FLT1: variants seen among roughly 807,000 people sequenced by gnomAD.
The protein encoded by FLT1 is vascular endothelial growth factor receptor 1.
A neutral mutation model predicts 156.3 loss-of-function variants in FLT1; 49 were observed. That is an observed-to-expected ratio of 0.31 (90% CI 0.25 to 0.40). The LOEUF (loss-of-function observed/expected upper bound fraction) is 0.40, where lower values mean the gene tolerates loss of function less well. FLT1 is among the 10% of genes least tolerant of loss of function. The probability of loss-of-function intolerance (pLI) is 1.00; values close to 1 mark genes in which losing one functional copy is unlikely to be tolerated. For synonymous variants in FLT1, 594 were observed against 583.8 expected (o/e 1.02, Z -0.25); for missense variants, 1,322 against 1,637.2 (o/e 0.81, Z 3.32).
At position 28,300,524 on chromosome 13, in the gene FLT1, CACACA is replaced by C. The variant is rs1566273840; in HGVS notation, c.*2638_*2642del. On this transcript the variant is annotated 3_prime_UTR_variant, in exon 30 of 30. Coordinates refer to ENST00000282397, the MANE Select transcript of FLT1 (RefSeq NM_002019.4). The stretch of plus-strand genomic sequence containing the variant: ...TATGCACAAAACACACATACACCCA[CACACA>C]CACACACACACACACACACACACAC... The C allele has an allele frequency of 1.8e-3, 25 of 13,818 alleles. No individual in the cohort carries two copies. The highest frequency in any genetic ancestry group is 0.014 in the South Asian group (1 of 70). 0.9% of individuals were successfully genotyped at this position (13,818 alleles called of 1,614,324 possible). A position where few individuals can be genotyped will look rare whatever the true frequency, so the allele number is the denominator to read the frequency against.
At chr13:28,360,200 G>A (rs897830955) in intron 14 of FLT1, among the ~76,000 whole-genome samples, 1 of 152,210 alleles carries the variant, frequency 6.6e-6, no homozygotes, top group Non-Finnish European at 1.5e-5. Flanking sequence ...GTGTTGATGA[G>A]GATGTGGAAA....
At chr13:28,308,987 AG>A in intron 27 of FLT1, 60 bp from the exon 28 acceptor site, 2 of 919,800 alleles carry the variant, frequency 2.2e-6, no homozygotes, top group Non-Finnish European at 1.8e-6. Flanking sequence ...CTAATGAGTC[AG>A]GAGACCACAG....
chr13:28,419,199 T>A (rs1366956854), intron 10 of FLT1, among the ~76,000 whole-genome samples: 1 of 152,224 alleles, frequency 6.6e-6, no homozygotes, highest in Non-Finnish European at 1.5e-5. Flanking sequence ...AAATCCATCA[T>A]GCCCTTTCCA....
rs115481202 is a variant in FLT1, at chr13:28,392,700, C to T, written c.1661-2596G>A. Reference sequence around the variant, plus strand: ...AAATGCATTTAGTGACATTGGGAAACCAGGGAGATAAGGCAGTGCTGTTCC... The same window carrying T: ...AAATGCATTTAGTGACATTGGGAAATCAGGGAGATAAGGCAGTGCTGTTCC... On this transcript the variant is annotated intron_variant, in intron 12 of 29. Coordinates refer to ENST00000282397, the MANE Select transcript of FLT1 (RefSeq NM_002019.4). 6.2e-3 allele frequency among the ~76,000 whole-genome samples: 937 copies of T among 152,274 alleles called. 11 individuals are homozygous for T. The highest frequency in any genetic ancestry group is 0.022 in the African/African-American group (899 of 41,556).
intron 1 of FLT1, among the ~76,000 whole-genome samples, chr13:28,470,987 C>T (rs1028887026): frequency 1.3e-5 from 2 of 151,956 alleles, no homozygotes; most frequent in African/African-American, 4.8e-5. Flanking sequence ...CACCGCGCCG[C>T]GCAAGAAGTG....
intron 10 of FLT1, among the ~76,000 whole-genome samples, chr13:28,411,557 A>C (rs1401593608): frequency 1.3e-5 from 2 of 151,830 alleles, no homozygotes; most frequent in Non-Finnish European, 2.9e-5. Flanking sequence ...AAAAAAAAAA[A>C]AAAAAAAAAA....
intron 7 of FLT1, among the ~76,000 whole-genome samples, chr13:28,430,387 C>T (rs956117372): frequency 1.3e-5 from 2 of 152,156 alleles, no homozygotes; most frequent in African/African-American, 2.4e-5. Context: ...GTCCTAGCCA[C>T]ATAAAACAGT....
At chr13:28,413,792 C>T (rs1377718909) in intron 10 of FLT1, among the ~76,000 whole-genome samples, 1 of 152,140 alleles carries the variant, frequency 6.6e-6, no homozygotes, top group African/African-American at 2.4e-5. Flanking sequence ...ATCCAGAAAG[C>T]TTTTGGGAGT....
chr13:28,328,061 T>C, intron 19 of FLT1, among the ~76,000 whole-genome samples: 1 of 152,194 alleles, frequency 6.6e-6, no homozygotes, highest in East Asian at 1.9e-4. Flanking sequence ...CAAACTCTTC[T>C]TGTAAAGGTC....
chr13:28,396,445 T>G lies in FLT1; in HGVS notation c.1660+515A>C, dbSNP rs1385694118. Reference sequence around the variant, plus strand: ...AGACCATCATATTTAAGGCTAAAAATTCTTAAATGCTATCAAAAAATAGCA... The same window carrying G: ...AGACCATCATATTTAAGGCTAAAAAGTCTTAAATGCTATCAAAAAATAGCA... On this transcript the variant is annotated intron_variant, in intron 12 of 29. Coordinates refer to ENST00000282397, the MANE Select transcript of FLT1 (RefSeq NM_002019.4). Among the ~76,000 whole-genome samples, 4 of 152,162 alleles carry G rather than the reference T, an allele frequency of 2.6e-5. No individual in the cohort carries two copies. In the East Asian group the frequency reaches 7.7e-4, roughly 29 times the overall value.
At chr13:28,357,790 A>AAT in intron 14 of FLT1, 105 bp from the exon 15 acceptor site, 9 of 1,079,064 alleles carry the variant, frequency 8.3e-6, no homozygotes, top group Non-Finnish European at 1.3e-5. Context: ...CAGACAAGGA[A>AAT]ATCCGAGCTC....
chr13:28,340,769 A>G (rs1005843609), intron 16 of FLT1, among the ~76,000 whole-genome samples: 1 of 152,162 alleles, frequency 6.6e-6, no homozygotes, highest in Non-Finnish European at 1.5e-5. Flanking sequence ...TCTCACAAAA[A>G]TTATCACTAA....
In FLT1 at chr13:28,311,506, C is replaced by T. The variant is rs970818824; in HGVS notation, c.3635+84G>A. 1.4e-5 allele frequency: 16 copies of T among 1,175,760 alleles called. No homozygotes were observed. In the African/African-American group the frequency reaches 1.4e-4, roughly 10 times the overall value. 72.8% of individuals were successfully genotyped at this position (1,175,760 alleles called of 1,614,324 possible). On this transcript the variant is annotated intron_variant, in intron 27 of 29. Transcript: ENST00000282397. ...TCTTTCTCTCTTTCTTTCTCTCTTT[C>T]GTCTTTCTTTCTCTTTCGTCTTTCT... is the stretch of plus-strand genomic sequence containing the variant.
intron 14 of FLT1, among the ~76,000 whole-genome samples, chr13:28,380,612 A>C (rs1874036276): frequency 6.7e-6 from 1 of 149,792 alleles, no homozygotes; most frequent in African/African-American, 2.5e-5. Flanking sequence ...TTTGTGTAAG[A>C]CTTTATATGA....
intron 12 of FLT1, 91 bp downstream of exon 12, chr13:28,396,869 T>G (rs1014221121): frequency 1.3e-6 from 1 of 796,740 alleles, no homozygotes; most frequent in Non-Finnish European, 2.2e-6. Context: ...TAAAAAAAAA[T>G]CACTCAAGCT....
chr13:28,343,490 G>A (rs1270439090), intron 16 of FLT1, among the ~76,000 whole-genome samples: 2 of 151,260 alleles, frequency 1.3e-5, no homozygotes, highest in Non-Finnish European at 2.9e-5. Flanking sequence ...TAGTAGAGAC[G>A]GGTTTTCACC....
At chr13:28,464,875 G>T (rs1047745375) in intron 3 of FLT1, among the ~76,000 whole-genome samples, 1 of 152,166 alleles carries the variant, frequency 6.6e-6, no homozygotes, top group Non-Finnish European at 1.5e-5. Context: ...ATTCATTTAA[G>T]TGTTCAATTT....
At chr13:28,485,679 C>A (rs1382749024) in intron 1 of FLT1, among the ~76,000 whole-genome samples, 2 of 152,186 alleles carry the variant, frequency 1.3e-5, no homozygotes, top group Admixed American at 1.3e-4. Flanking sequence ...TCCCACCCCT[C>A]GCATCTGAGC....
intron 17 of FLT1, 59 bp from the exon 18 acceptor site, chr13:28,334,188 T>C (rs1872031611): frequency 8.9e-7 from 1 of 1,129,190 alleles, no homozygotes; most frequent in South Asian, 1.2e-5. Context: ...GTTTAAGTCT[T>C]TTTCAGGAAG....
Sources: allele counts gnomAD v4.1 joint callset (sites outside exome capture counted in the v4.1 genomes callset), GRCh38; gene constraint gnomAD v4.1.1; transcripts MANE v1.5; gene names NCBI Gene and HGNC (gene_info 2026-07-23, HGNC 2026-07-21).